Variants in BBS9 observed in about 807,000 individuals in gnomAD.
The protein encoded by BBS9 is Bardet-Biedl syndrome 9.
In BBS9, 89 loss-of-function variants were observed where a neutral mutation model predicts 117.7. That is an observed-to-expected ratio of 0.76 (90% CI 0.64 to 0.90). The LOEUF (loss-of-function observed/expected upper bound fraction) is 0.90, where lower values mean the gene tolerates loss of function less well. Among genes scored for constraint, BBS9 ranks in the 40% least tolerant of loss-of-function variants. The pLI, the probability that BBS9 is intolerant of heterozygous loss-of-function variation, is 0.00. For missense variants in BBS9, 982 were observed against 1,042.2 expected (o/e 0.94, Z 0.80); for synonymous variants, 379 against 370.9 (o/e 1.02, Z -0.25).
intron 6 of BBS9, among the ~76,000 whole-genome samples, chr7:33,257,731 A>G (rs1287359134): frequency 6.6e-6 from 1 of 152,186 alleles, no homozygotes; most frequent in African/African-American, 2.4e-5. Flanking sequence ...ATGTATGTCC[A>G]GTTACTACCC....
intron 5 of BBS9, among the ~76,000 whole-genome samples, chr7:33,240,613 A>G (rs1392926659): frequency 2.0e-5 from 3 of 152,228 alleles, no homozygotes; most frequent in African/African-American, 4.8e-5. Flanking sequence ...CTTGAACTTT[A>G]AAAGATAGTT....
intron 16 of BBS9, 150 bp from the exon 17 acceptor site, chr7:33,367,617 A>G (rs1822027626): frequency 1.4e-6 from 1 of 702,990 alleles, no homozygotes; most frequent in Non-Finnish European, 2.6e-6. Flanking sequence ...GCTACTATGG[A>G]AATCAAGGTG....
chr7:33,247,861 C>T (rs1795604473), intron 5 of BBS9, among the ~76,000 whole-genome samples: 1 of 152,164 alleles, frequency 6.6e-6, no homozygotes, highest in South Asian at 2.1e-4. Context: ...TGTTTAGGGC[C>T]TTCTTTTAAA....
At chr7:33,536,681 T>TCCCCCCCCCCCCCCCCCCC (rs1563323298) in intron 21 of BBS9, among the ~76,000 whole-genome samples, 11 of 44,204 alleles carry the variant, frequency 2.5e-4, no homozygotes, top group African/African-American at 5.6e-4. Context: ...GATTCGGCCT[T>TCCCCCCCCCCCCCCCCCCC]CCCCCCGCCC....
intron 19 of BBS9, among the ~76,000 whole-genome samples, chr7:33,493,131 A>C (rs1034240511): frequency 7.2e-5 from 11 of 151,976 alleles, no homozygotes; most frequent in Non-Finnish European, 1.5e-4. Context: ...AGTAGCTGAG[A>C]TTACAGGCAT....
chr7:33,137,810 TAAC>T (rs370730458), intron 1 of BBS9, among the ~76,000 whole-genome samples: 22 of 152,238 alleles, frequency 1.4e-4, no homozygotes, highest in African/African-American at 5.3e-4. Context: ...TGGTGCATGA[TAAC>T]ACTTCGGACA....
At chr7:33,627,355 G>A (rs539787043) in intron 21 of BBS9, among the ~76,000 whole-genome samples, 2 of 152,364 alleles carry the variant, frequency 1.3e-5, no homozygotes, top group Admixed American at 6.5e-5. Context: ...TGGATGTTCA[G>A]GCAGAAGTCT....
intron 5 of BBS9, among the ~76,000 whole-genome samples, chr7:33,206,489 C>T (rs1259022003): frequency 1.3e-5 from 2 of 152,098 alleles, no homozygotes; most frequent in African/African-American, 4.8e-5. Flanking sequence ...TATCCCTTTA[C>T]CCAGGTTTGC....
At chr7:33,619,700 T>G (rs747766315) in intron 21 of BBS9, among the ~76,000 whole-genome samples, 1 of 151,986 alleles carries the variant, frequency 6.6e-6, no homozygotes, top group Non-Finnish European at 1.5e-5. Context: ...AACAGGAAAA[T>G]TGGAAAATTC....
rs2128344706 is a variant in BBS9, at chr7:33,273,062, CT to C, written c.754del (p.Ser252LeufsTer29). 1 of 1,613,602 alleles carries C rather than the reference CT, an allele frequency of 6.2e-7. No individual in the cohort carries two copies. Among genetic ancestry groups the C allele is most frequent in the Non-Finnish European group, 8.5e-7 (1 of 1,179,762 alleles). On this transcript the variant is annotated frameshift_variant, in exon 8 of 23. Transcript: ENST00000242067. LOFTEE classifies it high-confidence loss of function. ...GEQALDICIV[S>X]FNQSASSVFV... Reference sequence around the variant, plus strand: ...AGCAAGCCCTTGACATATGTATTGTCTCTTTCAATCAGTCGGCATCCTCTGT... The same window carrying C: ...AGCAAGCCCTTGACATATGTATTGTCCTTTCAATCAGTCGGCATCCTCTGT...
intron 4 of BBS9, among the ~76,000 whole-genome samples, chr7:33,168,041 A>G (rs1795966050): frequency 6.6e-6 from 1 of 152,212 alleles, no homozygotes; most frequent in Non-Finnish European, 1.5e-5. Flanking sequence ...ACATATATTA[A>G]TAACATATTC....
intron 21 of BBS9, among the ~76,000 whole-genome samples, chr7:33,535,198 C>A (rs563135822): frequency 6.6e-6 from 1 of 152,166 alleles, no homozygotes; most frequent in Non-Finnish European, 1.5e-5. Flanking sequence ...CTTATATGAC[C>A]CTGAGTATGT....
intron 21 of BBS9, among the ~76,000 whole-genome samples, chr7:33,553,938 A>T (rs955326905): frequency 1.3e-5 from 2 of 152,164 alleles, no homozygotes; most frequent in Non-Finnish European, 2.9e-5. Flanking sequence ...GTACAGTGAA[A>T]CAATGAGTTG....
At chr7:33,630,080 G>A (rs938766330) in intron 21 of BBS9, among the ~76,000 whole-genome samples, 1 of 152,038 alleles carries the variant, frequency 6.6e-6, no homozygotes, top group Non-Finnish European at 1.5e-5. Context: ...TGTGCCACAG[G>A]TTTATAAAAC....
At chr7:33,627,649 C>G (rs549125238) in intron 21 of BBS9, among the ~76,000 whole-genome samples, 2 of 152,216 alleles carry the variant, frequency 1.3e-5, no homozygotes, top group African/African-American at 4.8e-5. Flanking sequence ...GGAGCCCACC[C>G]CTTGCATCAG....
chr7:33,324,725 A>G (rs770823238), intron 9 of BBS9, among the ~76,000 whole-genome samples: 12 of 150,806 alleles, frequency 8.0e-5, no homozygotes, highest in Admixed American at 1.3e-4. Flanking sequence ...TTCACGTTTG[A>G]TGGATACTTT....
intron 11 of BBS9, among the ~76,000 whole-genome samples, chr7:33,341,784 A>G (rs965947746): frequency 2.0e-5 from 3 of 152,176 alleles, no homozygotes; most frequent in African/African-American, 7.2e-5. Context: ...TACAACTGAG[A>G]AATAGAAAGG....
chr7:33,566,020 G>C (rs1294974065), intron 21 of BBS9, among the ~76,000 whole-genome samples: 1 of 150,538 alleles, frequency 6.6e-6, no homozygotes, highest in Non-Finnish European at 1.5e-5. Flanking sequence ...TGTGGTCTGC[G>C]GATAACATCT....
intron 1 of BBS9, among the ~76,000 whole-genome samples, chr7:33,131,668 T>C (rs972102582): frequency 6.6e-6 from 1 of 152,186 alleles, no homozygotes. Context: ...CAGCATTCTT[T>C]GGGGTTATTG....
Sources: allele counts gnomAD v4.1 joint callset (sites outside exome capture counted in the v4.1 genomes callset), GRCh38; gene constraint gnomAD v4.1.1; transcripts MANE v1.5; gene names NCBI Gene and HGNC (gene_info 2026-07-23, HGNC 2026-07-21).